The following PATJ variants were observed in gnomAD, a reference collection of about 807,000 sequenced individuals.
PATJ encodes PATJ crumbs cell polarity complex component.
Under a neutral mutation model 224.9 loss-of-function variants are expected in PATJ, and 190 were observed. That is an observed-to-expected ratio of 0.84 (90% CI 0.75 to 0.95). PATJ has a LOEUF of 0.95. Among genes scored for constraint, PATJ ranks in the 40% least tolerant of loss-of-function variants. The pLI is 0.00. For synonymous variants in PATJ, 769 were observed against 820.3 expected, an observed-to-expected ratio of 0.94 and a Z score of 1.07; for missense variants, 2,121 against 2,270.3, an observed-to-expected ratio of 0.93 and a Z score of 1.34.
intron 39 of PATJ, 30 bp from the exon 40 acceptor site, chr1:62,127,942 T>C (rs780878123): frequency 1.9e-5 from 31 of 1,612,360 alleles, no homozygotes; most frequent in African/African-American, 2.7e-5. Context: ...TTATTAAATA[T>C]AAAAGCATTA....
intron 29 of PATJ, among the ~76,000 whole-genome samples, chr1:62,030,005 A>C (rs926886962): frequency 6.6e-6 from 1 of 152,178 alleles, no homozygotes; most frequent in Non-Finnish European, 1.5e-5. Context: ...GAGAGGGAGC[A>C]ATTTGGATGG....
chr1:61,957,188 G>A (rs1680557721), intron 27 of PATJ, among the ~76,000 whole-genome samples: 1 of 152,138 alleles, frequency 6.6e-6, no homozygotes, highest in South Asian at 2.1e-4. Flanking sequence ...ATTCATAAGA[G>A]AGTGGGCAAA....
intron 31 of PATJ, 38 bp from the exon 32 acceptor site, chr1:62,079,412 C>T (rs780354435): frequency 9.8e-6 from 12 of 1,218,396 alleles, no homozygotes; most frequent in Non-Finnish European, 1.5e-5. Context: ...TTACCTTTCT[C>T]CTTTTTGATA....
chr1:62,028,160 A>G (rs189872835), intron 29 of PATJ, among the ~76,000 whole-genome samples: 2 of 152,226 alleles, frequency 1.3e-5, no homozygotes, highest in East Asian at 3.9e-4. Context: ...TTATTTTCAT[A>G]TATGGTATAA....
At chr1:62,126,231 A>G (rs1665708727) in intron 39 of PATJ, among the ~76,000 whole-genome samples, 1 of 152,118 alleles carries the variant, frequency 6.6e-6, no homozygotes. Flanking sequence ...AGAAGGATGG[A>G]ATTTCTATCT....
chr1:62,021,522 T>C (rs948619759), intron 29 of PATJ, among the ~76,000 whole-genome samples: 1 of 152,198 alleles, frequency 6.6e-6, no homozygotes, highest in Non-Finnish European at 1.5e-5. Flanking sequence ...TAAGCAACTC[T>C]AGGTTACTTA....
At chr1:62,098,641 G>T (rs1160243827) in intron 33 of PATJ, among the ~76,000 whole-genome samples, 1 of 151,838 alleles carries the variant, frequency 6.6e-6, no homozygotes, top group Non-Finnish European at 1.5e-5. Context: ...TGCTTTACTG[G>T]TAATATTAGT....
intron 27 of PATJ, among the ~76,000 whole-genome samples, chr1:61,931,079 T>C (rs902542194): frequency 1.3e-5 from 2 of 152,212 alleles, no homozygotes; most frequent in South Asian, 2.1e-4. Context: ...CGGCTCAAAC[T>C]ATCCTTCCCA....
chr1:61,977,061 G>C (rs1644175127), intron 27 of PATJ, among the ~76,000 whole-genome samples: 1 of 151,872 alleles, frequency 6.6e-6, no homozygotes, highest in African/African-American at 2.4e-5. Flanking sequence ...ATTCAAACAA[G>C]GTCCTCACAT....
intron 1 of PATJ, among the ~76,000 whole-genome samples, chr1:61,760,857 C>A (rs1397060602): frequency 6.6e-6 from 1 of 152,064 alleles, no homozygotes; most frequent in Admixed American, 6.6e-5. Flanking sequence ...AGGTGATCCA[C>A]CCACCTCGAT....
rs535094983 is a variant in PATJ, at chr1:61,964,753, A to G, written c.3671-25415A>G. Among the ~76,000 whole-genome samples, 18 of 152,174 alleles carry G rather than the reference A, an allele frequency of 1.2e-4. No individual in the cohort carries two copies. The South Asian group carries it at 3.7e-3, about 32-fold the overall frequency. ...CGGTGAGCCAAGATCGTGCCACTGCAGTCTAGCCTGGGCAACAGAGCAAGG... is the reference window on the plus strand; with the variant it reads ...CGGTGAGCCAAGATCGTGCCACTGCGGTCTAGCCTGGGCAACAGAGCAAGG... On this transcript the variant is annotated intron_variant, in intron 27 of 43. Coordinates refer to ENST00000642238, the MANE Select transcript of PATJ (RefSeq NM_001350145.3).
intron 22 of PATJ, among the ~76,000 whole-genome samples, chr1:61,891,905 A>G (rs959229602): frequency 1.3e-5 from 2 of 152,238 alleles, no homozygotes; most frequent in Non-Finnish European, 2.9e-5. Context: ...GTCTTGCACC[A>G]GGCAACCACT....
chr1:61,873,436 T>G (rs1202530778), intron 20 of PATJ, among the ~76,000 whole-genome samples: 1 of 152,210 alleles, frequency 6.6e-6, no homozygotes, highest in East Asian at 1.9e-4. Context: ...CCCAAAGTGC[T>G]GGGATTATAG....
rs188198974 is a variant in PATJ, at chr1:62,068,137, T to C, written c.4126-11313T>C. ...CTCAGTTCACGTCATTCACCTTCAGTTGGCTCCCTTGCAGCCTGATGCCTG... is the reference window on the plus strand; with the variant it reads ...CTCAGTTCACGTCATTCACCTTCAGCTGGCTCCCTTGCAGCCTGATGCCTG... On this transcript the variant is annotated intron_variant, in intron 31 of 43. Transcript: ENST00000642238. Among the ~76,000 whole-genome samples, 3 of 152,340 alleles carry C rather than the reference T, an allele frequency of 2.0e-5. No individual in the cohort carries two copies. The East Asian group carries it at 5.8e-4, about 29-fold the overall frequency.
Position 61,864,284 on chromosome 1 carries a change from C to G in PATJ, c.2486C>G (p.Pro829Arg), listed in dbSNP as rs1478832893. ...PYFKEELVDE[P>R]FLDLGKSFHS... ...TTTAAAGAAGAACTTGTGGATGAACCATTTCTAGATCTGGGAAAGTCTTTC... is the reference window on the plus strand; with the variant it reads ...TTTAAAGAAGAACTTGTGGATGAACGATTTCTAGATCTGGGAAAGTCTTTC... The change falls in exon 20 of 44, where the codon CCA becomes CGA. Residue 829 changes from proline to arginine, a missense_variant. Pro to Arg is a moderately radical substitution (Grantham distance 103). Coordinates refer to ENST00000642238, the MANE Select transcript of PATJ (RefSeq NM_001350145.3). 1.2e-6 allele frequency: 2 copies of G among 1,612,680 alleles called. No individual in the cohort carries two copies. The highest frequency in any genetic ancestry group is 8.5e-7 in the Non-Finnish European group (1 of 1,179,378).
At chr1:61,862,492 C>T (rs570987859) in intron 19 of PATJ, among the ~76,000 whole-genome samples, 7 of 152,268 alleles carry the variant, frequency 4.6e-5, no homozygotes, top group Non-Finnish European at 8.8e-5. Context: ...CCACCACGCC[C>T]AGCCTATTTT....
chr1:61,853,277 T>C (rs1413476451), intron 17 of PATJ, among the ~76,000 whole-genome samples: 1 of 152,172 alleles, frequency 6.6e-6, no homozygotes, highest in Non-Finnish European at 1.5e-5. Flanking sequence ...CTTTAGAATG[T>C]TCCTAAATTA....
chr1:62,001,372 T>A (rs1645759185), intron 28 of PATJ, among the ~76,000 whole-genome samples: 2 of 147,708 alleles, frequency 1.4e-5, no homozygotes, highest in East Asian at 3.9e-4. Context: ...TTGTATAAGG[T>A]GTAAGGAAGG....
chr1:61,994,793 A>G (rs751235404), intron 28 of PATJ, among the ~76,000 whole-genome samples: 1 of 152,100 alleles, frequency 6.6e-6, no homozygotes, highest in Non-Finnish European at 1.5e-5. Flanking sequence ...ATCTCAGGTG[A>G]TCCACCTGCC....
Sources: allele counts gnomAD v4.1 joint callset (sites outside exome capture counted in the v4.1 genomes callset), GRCh38; gene constraint gnomAD v4.1.1; transcripts MANE v1.5; gene names NCBI Gene and HGNC (gene_info 2026-07-23, HGNC 2026-07-21).